HACD2: variants seen among roughly 807,000 people sequenced by gnomAD.
The protein encoded by HACD2 is very-long-chain (3R)-3-hydroxyacyl-CoA dehydratase 2.
In HACD2, 15 loss-of-function variants were observed where a neutral mutation model predicts 31.0. That is an observed-to-expected ratio of 0.48 (90% CI 0.32 to 0.75). HACD2 has a LOEUF of 0.75. HACD2 is among the 30% of genes least tolerant of loss of function. The probability of loss-of-function intolerance (pLI) is 0.03; values close to 1 mark genes in which losing one functional copy is unlikely to be tolerated. For missense variants in HACD2, 283 were observed against 313.0 expected (o/e 0.90, Z 0.72); for synonymous variants, 115 against 122.2 (o/e 0.94, Z 0.39).
chr3:123,566,820 C>A (rs1020546500), intron 3 of HACD2, among the ~76,000 whole-genome samples: 1 of 152,126 alleles, frequency 6.6e-6, no homozygotes, highest in African/African-American at 2.4e-5. Context: ...CATCAATGCA[C>A]TCTAGCCTGG....
chr3:123,569,705 T>C (rs1476041730), intron 2 of HACD2, among the ~76,000 whole-genome samples: 1 of 150,748 alleles, frequency 6.6e-6, no homozygotes, highest in African/African-American at 2.4e-5. Flanking sequence ...ACACCCAGAC[T>C]GGCCAGGCAT....
intron 1 of HACD2, among the ~76,000 whole-genome samples, chr3:123,582,996 TTTG>T (rs869204185): frequency 5.3e-5 from 8 of 152,260 alleles, no homozygotes; most frequent in South Asian, 2.1e-4. Context: ...AACACAATGT[TTTG>T]TTAAGTTCCA....
chr3:123,546,760 A>G (rs2056564471), intron 3 of HACD2, among the ~76,000 whole-genome samples: 1 of 152,230 alleles, frequency 6.6e-6, no homozygotes, highest in Non-Finnish European at 1.5e-5. Context: ...AATGAACTCA[A>G]TATCTGAAGA....
chr3:123,576,787 G>T lies in HACD2; in HGVS notation c.273+5425C>A, dbSNP rs867527349. Among the ~76,000 whole-genome samples, 5 of 152,164 alleles carry T rather than the reference G, an allele frequency of 3.3e-5. No individual in the cohort carries two copies. The South Asian group carries it at 1.0e-3, about 32-fold the overall frequency. On this transcript the variant is annotated intron_variant, in intron 2 of 6. Coordinates refer to ENST00000383657, the MANE Select transcript of HACD2 (RefSeq NM_198402.5). ...AATCAGTTAGTGTTTGAGCCATAAA[G>T]AAAGAAAAACTGGCAGGGAGATAAG...
intron 3 of HACD2, among the ~76,000 whole-genome samples, chr3:123,561,939 G>T (rs972166022): frequency 1.3e-5 from 2 of 152,110 alleles, no homozygotes; most frequent in African/African-American, 4.8e-5. Context: ...AGCCTCCCAA[G>T]TAGCTGGGAC....
intron 3 of HACD2, among the ~76,000 whole-genome samples, chr3:123,558,569 TA>T (rs898791125): frequency 6.6e-6 from 1 of 152,046 alleles, no homozygotes; most frequent in African/African-American, 2.4e-5. Flanking sequence ...AAAACTGCTC[TA>T]AAAAAATAGC....
In HACD2 at chr3:123,535,219, G is replaced by A. The variant is rs145773068; in HGVS notation, c.293-6745C>T. 3.1e-3 allele frequency among the ~76,000 whole-genome samples: 471 copies of A among 152,142 alleles called. 2 individuals carry two copies. The highest frequency in any genetic ancestry group is 0.011 in the African/African-American group (455 of 41,490). ...CTTGTATACCATACTTTTACTGTGC[G>A]TTTTCTATGTGTAGATACACAAATA... On this transcript the variant is annotated intron_variant, in intron 3 of 6. Transcript: ENST00000383657.
At chr3:123,548,653 C>T (rs988044609) in intron 3 of HACD2, among the ~76,000 whole-genome samples, 3 of 151,944 alleles carry the variant, frequency 2.0e-5, no homozygotes, top group Admixed American at 6.6e-5. Context: ...GATGGGGTCT[C>T]GCTTGTCACT....
rs566447588 is a variant in HACD2, at chr3:123,556,763, CA to C, written c.292+10998del. Among the ~76,000 whole-genome samples, 812 of 152,094 alleles carry C rather than the reference CA, an allele frequency of 5.3e-3. 2 individuals carry two copies. The highest frequency in any genetic ancestry group is 0.019 in the African/African-American group (794 of 41,498). On this transcript the variant is annotated intron_variant, in intron 3 of 6. Coordinates refer to ENST00000383657, the MANE Select transcript of HACD2 (RefSeq NM_198402.5). Reference sequence around the variant, plus strand: ...TATAGAAAGAATTCTTAAATCTCAACAAAAAAACAATCCAACTGAAAAATGA... The same window carrying C: ...TATAGAAAGAATTCTTAAATCTCAACAAAAAACAATCCAACTGAAAAATGA...
chr3:123,512,082 T>TAG (rs2056070692), intron 4 of HACD2, among the ~76,000 whole-genome samples: 1 of 152,148 alleles, frequency 6.6e-6, no homozygotes, highest in Non-Finnish European at 1.5e-5. Flanking sequence ...ATGAACCAAA[T>TAG]AGACCTCTTT....
chr3:123,573,046 G>A (rs959192683), intron 2 of HACD2, among the ~76,000 whole-genome samples: 4 of 152,178 alleles, frequency 2.6e-5, no homozygotes, highest in African/African-American at 9.7e-5. Context: ...GAGAGGATAC[G>A]CTGAGCTGGG....
intron 3 of HACD2, among the ~76,000 whole-genome samples, chr3:123,544,785 T>G (rs2056537248): frequency 6.6e-6 from 1 of 152,168 alleles, no homozygotes; most frequent in South Asian, 2.1e-4. Context: ...ATATAATTTC[T>G]AAATTTCAAA....
At chr3:123,534,594 T>TA (rs1418372363) in intron 3 of HACD2, among the ~76,000 whole-genome samples, 1 of 152,170 alleles carries the variant, frequency 6.6e-6, no homozygotes, top group Non-Finnish European at 1.5e-5. Flanking sequence ...TTTTTATTGT[T>TA]AGAGTATAGT....
At chr3:123,543,016 G>A (rs554211945) in intron 3 of HACD2, among the ~76,000 whole-genome samples, 1 of 152,346 alleles carries the variant, frequency 6.6e-6, no homozygotes, top group Admixed American at 6.5e-5. Flanking sequence ...GGAAGGGTGT[G>A]TGTATACGTC....
At chr3:123,520,220 T>TAA (rs955966671) in intron 4 of HACD2, among the ~76,000 whole-genome samples, 1 of 152,090 alleles carries the variant, frequency 6.6e-6, no homozygotes, top group African/African-American at 2.4e-5. Flanking sequence ...TCTAGAGTAC[T>TAA]AAAAAAACCC....
At chr3:123,552,120 T>C (rs1179740002) in intron 3 of HACD2, among the ~76,000 whole-genome samples, 1 of 152,156 alleles carries the variant, frequency 6.6e-6, no homozygotes, top group South Asian at 2.1e-4. Context: ...GGCCTAAATC[T>C]GAGCCAAAAT....
rs1369818753 is a variant in HACD2, at chr3:123,531,132, C to CT, written c.293-2659dup. ...CTGCCCGCCTCAGCCTCCCAAAGTG[C>CT]TGGGATTACAGGCGCTAAGAGTAAC... is the stretch of plus-strand genomic sequence containing the variant. On this transcript the variant is annotated intron_variant, in intron 3 of 6. Transcript: ENST00000383657. Among the ~76,000 whole-genome samples the CT allele has an allele frequency of 5.3e-5, 8 of 152,278 alleles. No individual in the cohort carries two copies. The South Asian group carries it at 6.2e-4, about 12-fold the overall frequency.
chr3:123,499,386 TG>T, intron 6 of HACD2: 1 of 200,334 alleles, frequency 5.0e-6, no homozygotes, highest in South Asian at 8.9e-5. Flanking sequence ...TGAAGAGAGA[TG>T]GCCTCTGGTC....
At chr3:123,506,370 A>G (rs1419794114) in intron 4 of HACD2, among the ~76,000 whole-genome samples, 1 of 152,162 alleles carries the variant, frequency 6.6e-6, no homozygotes, top group Non-Finnish European at 1.5e-5. Context: ...GTGTGGAATC[A>G]ATGCCCCTTA....
Sources: allele counts gnomAD v4.1 joint callset (sites outside exome capture counted in the v4.1 genomes callset), GRCh38; gene constraint gnomAD v4.1.1; transcripts MANE v1.5; gene names NCBI Gene and HGNC (gene_info 2026-07-23, HGNC 2026-07-21).